Variants in GPHN observed in about 807,000 individuals in gnomAD.
GPHN encodes gephyrin.
Under a neutral mutation model 95.5 loss-of-function variants are expected in GPHN, and 17 were observed. The observed-to-expected ratio is 0.18, with a 90% CI of 0.12 to 0.27. GPHN has a LOEUF of 0.27. GPHN is among the 10% of genes least tolerant of loss of function. The probability of loss-of-function intolerance (pLI) is 1.00; values close to 1 mark genes in which losing one functional copy is unlikely to be tolerated. For synonymous variants in GPHN, 320 were observed against 322.5 expected, an observed-to-expected ratio of 0.99 and a Z score of 0.08; for missense variants, 660 against 978.1, an observed-to-expected ratio of 0.67 and a Z score of 4.34.
chr14:66,582,282 G>C (rs959765425), intron 1 of GPHN, among the ~76,000 whole-genome samples: 4 of 151,910 alleles, frequency 2.6e-5, no homozygotes, highest in Admixed American at 6.6e-5. Flanking sequence ...AAACAACCAA[G>C]AGTAAAACTG....
chr14:66,681,307 G>A (rs2066920623), intron 2 of GPHN, 122 bp downstream of exon 2: 5 of 685,294 alleles, frequency 7.3e-6, no homozygotes, highest in South Asian at 3.2e-5. Flanking sequence ...TTCTAATAAT[G>A]CGTTTTACAC....
the GPHN span, among the ~76,000 whole-genome samples, chr14:67,666,132 C>T: frequency 6.6e-6 from 1 of 152,230 alleles, no homozygotes; most frequent in African/African-American, 2.4e-5. Context: ...TGATCCAAGC[C>T]AGACAGTAAG....
At chr14:66,967,073 G>A (rs2069384673) in intron 9 of GPHN, among the ~76,000 whole-genome samples, 1 of 151,824 alleles carries the variant, frequency 6.6e-6, no homozygotes, top group African/African-American at 2.4e-5. Context: ...CAAATTGACA[G>A]TGAATTCATA....
At chr14:66,704,370 CG>C (rs2068863140) in intron 2 of GPHN, among the ~76,000 whole-genome samples, 1 of 152,030 alleles carries the variant, frequency 6.6e-6, no homozygotes, top group Non-Finnish European at 1.5e-5. Flanking sequence ...ACGTTCATCT[CG>C]GTGCCGCATA....
intron 10 of GPHN, among the ~76,000 whole-genome samples, chr14:67,029,289 A>G (rs2074070298): frequency 6.6e-6 from 1 of 151,412 alleles, no homozygotes; most frequent in African/African-American, 2.4e-5. Context: ...TAGTACTACT[A>G]GTAATACTAT....
At chr14:66,571,912 A>G (rs2058844773) in intron 1 of GPHN, among the ~76,000 whole-genome samples, 1 of 152,218 alleles carries the variant, frequency 6.6e-6, no homozygotes, top group Non-Finnish European at 1.5e-5. Context: ...TTCAGGTTGT[A>G]TATTTGAGTC....
intron 18 of GPHN, among the ~76,000 whole-genome samples, chr14:67,149,294 A>G (rs2081099814): frequency 6.6e-6 from 1 of 152,246 alleles, no homozygotes; most frequent in African/African-American, 2.4e-5. Flanking sequence ...CAGTGACCCC[A>G]GATCATGCCA....
chr14:66,676,121 A>C (rs1277599040), intron 1 of GPHN, among the ~76,000 whole-genome samples: 1 of 152,088 alleles, frequency 6.6e-6, no homozygotes, highest in Non-Finnish European at 1.5e-5. Context: ...TGACTAGTGA[A>C]TATTGTACCC....
intron 1 of GPHN, among the ~76,000 whole-genome samples, chr14:66,549,324 C>T (rs1370509756): frequency 6.6e-6 from 1 of 152,040 alleles, no homozygotes. Flanking sequence ...GATAAGAAAG[C>T]AAAACAGCCA....
intron 2 of GPHN, among the ~76,000 whole-genome samples, chr14:66,765,384 A>G (rs113320357): frequency 5.2e-4 from 79 of 152,358 alleles, no homozygotes; most frequent in African/African-American, 1.6e-3. Flanking sequence ...TTGCAGTACT[A>G]TTGACAATAA....
chr14:67,198,266 A>AG, the GPHN span: 1 of 1,613,922 alleles, frequency 6.2e-7, no homozygotes, highest in Non-Finnish European at 8.5e-7. Context: ...TGTTGGATGG[A>AG]GGAGAGTATG....
the GPHN span, among the ~76,000 whole-genome samples, chr14:67,719,163 A>G: frequency 2.0e-5 from 3 of 152,260 alleles, no homozygotes; most frequent in African/African-American, 7.2e-5. Flanking sequence ...ATCATTGCCT[A>G]TGGATGACAG....
the GPHN span, among the ~76,000 whole-genome samples, chr14:67,222,913 C>T: frequency 6.6e-6 from 1 of 150,624 alleles, no homozygotes; most frequent in Non-Finnish European, 1.5e-5. Context: ...GTCACACGTA[C>T]AAGAGTCAGT....
chr14:67,118,811 C>T (rs1045230106), intron 16 of GPHN, among the ~76,000 whole-genome samples: 1 of 151,910 alleles, frequency 6.6e-6, no homozygotes, highest in Non-Finnish European at 1.5e-5. Context: ...TTTAGGCAAA[C>T]AGGAGAAAAG....
the GPHN span, among the ~76,000 whole-genome samples, chr14:67,314,208 A>G: frequency 6.6e-6 from 1 of 152,274 alleles, no homozygotes; most frequent in South Asian, 2.1e-4. Context: ...AGGGCATGAA[A>G]AAAAAGACTG....
chr14:67,448,580 GT>G, the GPHN span, among the ~76,000 whole-genome samples: 1 of 152,238 alleles, frequency 6.6e-6, no homozygotes, highest in African/African-American at 2.4e-5. Flanking sequence ...CATGGGTGAA[GT>G]TTGGGGAAGG....
the GPHN span, among the ~76,000 whole-genome samples, chr14:67,196,111 C>G: frequency 6.6e-6 from 1 of 152,164 alleles, no homozygotes; most frequent in Non-Finnish European, 1.5e-5. Flanking sequence ...CCATCATCCT[C>G]TGTGCATTTC....
At chr14:66,599,172 T>A (rs969558609) in intron 1 of GPHN, among the ~76,000 whole-genome samples, 2 of 152,080 alleles carry the variant, frequency 1.3e-5, no homozygotes, top group Non-Finnish European at 2.9e-5. Context: ...GGTAGGAGTG[T>A]TCATTACTAC....
At chr14:66,947,481 A>G (rs1455297320) in intron 8 of GPHN, among the ~76,000 whole-genome samples, 1 of 152,208 alleles carries the variant, frequency 6.6e-6, no homozygotes, top group Non-Finnish European at 1.5e-5. Flanking sequence ...TCTTTTATTC[A>G]TATGGTCTAT....
Sources: gnomAD v4.1 joint callset for allele counts (sites outside exome capture counted in the v4.1 genomes callset) on GRCh38, gnomAD v4.1.1 for gene constraint, MANE v1.5 for transcripts, NCBI Gene and HGNC (gene_info 2026-07-23, HGNC 2026-07-21) for gene names.